KIAA0586: variants seen among roughly 807,000 people sequenced by gnomAD.
The protein encoded by KIAA0586 is KIAA0586.
A neutral mutation model predicts 169.8 loss-of-function variants in KIAA0586; 144 were observed. The observed-to-expected ratio is 0.85, with a 90% CI of 0.74 to 0.97. KIAA0586 has a LOEUF of 0.97. KIAA0586 is among the 50% of genes least tolerant of loss of function. The probability of loss-of-function intolerance (pLI) is 0.00; values close to 1 mark genes in which losing one functional copy is unlikely to be tolerated. For synonymous variants in KIAA0586, 625 were observed against 612.4 expected, an observed-to-expected ratio of 1.02 and a Z score of -0.30; for missense variants, 1,854 against 1,823.0, an observed-to-expected ratio of 1.02 and a Z score of -0.31.
intron 4 of KIAA0586, among the ~76,000 whole-genome samples, chr14:58,437,690 G>A (rs1041790505): frequency 4.7e-5 from 5 of 106,680 alleles, no homozygotes; most frequent in African/African-American, 7.7e-5. Flanking sequence ...CTGGGTGACA[G>A]TGAGATCCTG....
chr14:58,482,690 C>G lies in KIAA0586; in HGVS notation c.3122C>G (p.Ser1041Ter). The G allele has an allele frequency of 6.4e-7, 1 of 1,568,470 alleles. No homozygotes were observed. Among genetic ancestry groups the G allele is most frequent in the South Asian group, 1.2e-5 (1 of 83,876 alleles). ...GCTACAGGTGTTTCTGGGGATGCTT[C>G]AACAAATGAAACATATTTGCCGGTA... ...PVATGVSGDA[S>*]TNETYLPARV... Residue 1041 changes from serine (S) to a stop codon, truncating the protein, a stop_gained, in exon 21 of 31, where the codon TCA (serine) becomes TGA (stop). Coordinates refer to ENST00000652326, the MANE Select transcript of KIAA0586 (RefSeq NM_001329943.3). LOFTEE classifies it high-confidence loss of function.
intron 30 of KIAA0586, among the ~76,000 whole-genome samples, chr14:58,545,135 G>T (rs893084249): frequency 2.0e-5 from 3 of 152,184 alleles, no homozygotes; most frequent in Non-Finnish European, 4.4e-5. Flanking sequence ...GTGCATATAT[G>T]CTTTTGGAGA....
intron 29 of KIAA0586, among the ~76,000 whole-genome samples, chr14:58,520,572 A>T (rs1455281229): frequency 6.6e-6 from 1 of 151,966 alleles, no homozygotes; most frequent in East Asian, 1.9e-4. Context: ...CCCAGGCTGG[A>T]GTGCAGTGGC....
chr14:58,535,544 G>A (rs2046228530), intron 29 of KIAA0586, among the ~76,000 whole-genome samples: 1 of 152,138 alleles, frequency 6.6e-6, no homozygotes, highest in African/African-American at 2.4e-5. Flanking sequence ...ATACTTTTAT[G>A]CCGCCAGGAT....
intron 15 of KIAA0586, 107 bp from the exon 16 acceptor site, chr14:58,467,628 G>C: frequency 1.3e-6 from 1 of 785,266 alleles, no homozygotes; most frequent in Non-Finnish European, 2.1e-6. Context: ...TTGTCAGATA[G>C]GGCTTTTTTA....
intron 29 of KIAA0586, chr14:58,520,988 A>G (rs1167766116): frequency 1.1e-5 from 3 of 281,368 alleles, no homozygotes; most frequent in African/African-American, 4.4e-5. Flanking sequence ...AGAGAGATGG[A>G]TAAAACAAAG....
chr14:58,506,465 G>A (rs1215854848), intron 27 of KIAA0586, among the ~76,000 whole-genome samples: 3 of 151,554 alleles, frequency 2.0e-5, no homozygotes, highest in African/African-American at 7.3e-5. Context: ...GATCACTTGA[G>A]CACTTGAGGT....
intron 29 of KIAA0586, among the ~76,000 whole-genome samples, chr14:58,513,959 T>A (rs2044573364): frequency 6.6e-6 from 1 of 152,072 alleles, no homozygotes; most frequent in Non-Finnish European, 1.5e-5. Context: ...AACAGTTGGA[T>A]TTAATACATT....
chr14:58,445,982 C>T (rs1420207377), intron 6 of KIAA0586, among the ~76,000 whole-genome samples: 1 of 151,482 alleles, frequency 6.6e-6, no homozygotes, highest in Non-Finnish European at 1.5e-5. Context: ...GATTCTCCTG[C>T]CACAGCCTCC....
At chr14:58,540,590 A>G (rs1215899627) in intron 30 of KIAA0586, among the ~76,000 whole-genome samples, 1 of 152,214 alleles carries the variant, frequency 6.6e-6, no homozygotes, top group Non-Finnish European at 1.5e-5. Flanking sequence ...CAGGTGTCGG[A>G]ACATTTATTC....
chr14:58,539,883 T>A, intron 29 of KIAA0586, 188 bp from the exon 30 acceptor site: 1 of 475,364 alleles, frequency 2.1e-6, no homozygotes. Flanking sequence ...CTATTGATAG[T>A]CATTAAAATT....
intron 6 of KIAA0586, among the ~76,000 whole-genome samples, chr14:58,446,108 G>GATCC (rs1555377625): frequency 6.6e-6 from 1 of 151,804 alleles, no homozygotes; most frequent in Non-Finnish European, 1.5e-5. Flanking sequence ...GACCTCAGGT[G>GATCC]ATCCGCCTGC....
At chr14:58,508,801 G>T in intron 28 of KIAA0586, 92 bp downstream of exon 28, 1 of 907,762 alleles carries the variant, frequency 1.1e-6, no homozygotes, top group Non-Finnish European at 1.7e-6. Flanking sequence ...CAAGCCTCTG[G>T]AGTCAGATAG....
chr14:58,559,031 G>A, the KIAA0586 span, among the ~76,000 whole-genome samples: 1 of 152,182 alleles, frequency 6.6e-6, no homozygotes, highest in Admixed American at 6.5e-5. Flanking sequence ...TAGTCCTAAG[G>A]TTTCAGTGGA....
intron 25 of KIAA0586, 21 bp downstream of exon 25, chr14:58,490,261 A>T: frequency 7.4e-7 from 1 of 1,353,878 alleles, no homozygotes; most frequent in South Asian, 1.4e-5. Context: ...ATTGACTCCA[A>T]CACTGAATTC....
intron 8 of KIAA0586, among the ~76,000 whole-genome samples, chr14:58,451,978 C>T (rs527484760): frequency 6.6e-5 from 10 of 152,244 alleles, no homozygotes; most frequent in East Asian, 3.9e-4. Flanking sequence ...CTACTGCGCC[C>T]GGCCATATAT....
At chr14:58,436,767 G>A (rs1191821314) in intron 4 of KIAA0586, among the ~76,000 whole-genome samples, 2 of 152,044 alleles carry the variant, frequency 1.3e-5, no homozygotes, top group Non-Finnish European at 2.9e-5. Context: ...AGATAAATTT[G>A]GAAAAGCAAA....
intron 19 of KIAA0586, 66 bp from the exon 20 acceptor site, chr14:58,477,057 T>A (rs1273597348): frequency 6.9e-6 from 6 of 870,118 alleles, no homozygotes; most frequent in Non-Finnish European, 9.3e-6. Flanking sequence ...GTGGTATGTC[T>A]AACATTTTTT....
At chr14:58,479,907 TA>T (rs1566867040) in intron 20 of KIAA0586, among the ~76,000 whole-genome samples, 1 of 152,212 alleles carries the variant, frequency 6.6e-6, no homozygotes, top group Non-Finnish European at 1.5e-5. Context: ...ACTAATACCA[TA>T]CTTCTTGATT....
Sources: gnomAD v4.1 joint callset for allele counts (sites outside exome capture counted in the v4.1 genomes callset) on GRCh38, gnomAD v4.1.1 for gene constraint, MANE v1.5 for transcripts, NCBI Gene and HGNC (gene_info 2026-07-23, HGNC 2026-07-21) for gene names.